Variants in NBEA observed in about 807,000 individuals in gnomAD.
NBEA encodes lysosomal-trafficking regulator 2.
Under a neutral mutation model 343.4 loss-of-function variants are expected in NBEA, and 44 were observed. The ratio of observed to expected loss-of-function variants is 0.13; its 90% CI spans 0.10 to 0.16. The LOEUF (loss-of-function observed/expected upper bound fraction) is 0.16, where lower values mean the gene tolerates loss of function less well. Ranked by LOEUF, NBEA falls within the 10% of genes least tolerant of loss-of-function variation. The probability of loss-of-function intolerance (pLI) is 1.00; values close to 1 mark genes in which losing one functional copy is unlikely to be tolerated. For synonymous variants in NBEA, 1,175 were observed against 1,238.7 expected (o/e 0.95, Z 1.08); for missense variants, 2,555 against 3,631.3 (o/e 0.70, Z 7.62).
chr13:35,011,598 A>G (rs556362836), intron 1 of NBEA, among the ~76,000 whole-genome samples: 69 of 152,308 alleles, frequency 4.5e-4, no homozygotes, highest in African/African-American at 1.5e-3. Context: ...ATTTTTTGAT[A>G]TTAATTTCTA....
At chr13:35,102,810 A>G (rs946198230) in intron 11 of NBEA, among the ~76,000 whole-genome samples, 8 of 151,818 alleles carry the variant, frequency 5.3e-5, no homozygotes, top group South Asian at 2.1e-4. Context: ...TTTGTAGACA[A>G]TAATAACATT....
chr13:35,165,049 C>G, intron 24 of NBEA: 1 of 533,142 alleles, frequency 1.9e-6, no homozygotes, highest in Non-Finnish European at 3.9e-6. Flanking sequence ...TAGCTACTTG[C>G]TCAGATGGGA....
chr13:35,126,187 T>C (rs1217524928), intron 17 of NBEA, among the ~76,000 whole-genome samples: 1 of 152,070 alleles, frequency 6.6e-6, no homozygotes, highest in Non-Finnish European at 1.5e-5. Context: ...TTGTAAGCAT[T>C]TGGCATTTCC....
intron 17 of NBEA, among the ~76,000 whole-genome samples, chr13:35,127,722 G>A (rs1313947369): frequency 1.3e-5 from 2 of 151,852 alleles, no homozygotes; most frequent in Non-Finnish European, 2.9e-5. Flanking sequence ...AACAGATGGA[G>A]GATTACTTAT....
intron 6 of NBEA, among the ~76,000 whole-genome samples, chr13:35,051,505 T>G (rs2063065011): frequency 6.6e-6 from 1 of 152,038 alleles, no homozygotes; most frequent in African/African-American, 2.4e-5. Context: ...TTGCTTTATA[T>G]TTAATGTCAG....
At chr13:35,017,193 T>C (rs191036002) in intron 1 of NBEA, among the ~76,000 whole-genome samples, 1 of 152,218 alleles carries the variant, frequency 6.6e-6, no homozygotes, top group Non-Finnish European at 1.5e-5. Flanking sequence ...TATTTTTTTT[T>C]ATTAAATAAA....
intron 33 of NBEA, among the ~76,000 whole-genome samples, chr13:35,223,355 TCTAAAAGGTCTTTATTTTACCA>T (rs2074479289): frequency 6.6e-6 from 1 of 152,216 alleles, no homozygotes; most frequent in African/African-American, 2.4e-5. Flanking sequence ...GTTTTTGTTG[TCTAAAAGGTCTTTATTTTACCA>T]TCTTTTTCTA....
intron 33 of NBEA, among the ~76,000 whole-genome samples, chr13:35,215,908 T>G (rs1006463839): frequency 6.6e-5 from 10 of 151,554 alleles, no homozygotes; most frequent in Non-Finnish European, 1.3e-4. Flanking sequence ...TGTATCTGTT[T>G]TGTTATTTTT....
chr13:34,995,247 G>GT (rs2060898765), intron 1 of NBEA, among the ~76,000 whole-genome samples: 2 of 152,232 alleles, frequency 1.3e-5, no homozygotes, highest in South Asian at 4.1e-4. Context: ...GAGGTCAGGA[G>GT]TTTGAGACCA....
At chr13:35,339,836 A>C (rs1343630487) in intron 36 of NBEA, among the ~76,000 whole-genome samples, 1 of 152,092 alleles carries the variant, frequency 6.6e-6, no homozygotes, top group Non-Finnish European at 1.5e-5. Flanking sequence ...TTTCTAAACC[A>C]TTCATGAGAA....
chr13:35,336,710 C>G (rs1409897716), intron 36 of NBEA, among the ~76,000 whole-genome samples: 1 of 151,976 alleles, frequency 6.6e-6, no homozygotes, highest in Non-Finnish European at 1.5e-5. Context: ...AAACCATGTC[C>G]TTTGCAACAA....
At chr13:35,138,908 T>A (rs2067902432) in intron 17 of NBEA, among the ~76,000 whole-genome samples, 1 of 152,098 alleles carries the variant, frequency 6.6e-6, no homozygotes, top group South Asian at 2.1e-4. Context: ...GTGTGTCATA[T>A]ATGGATTTAT....
At chr13:35,132,937 G>T (rs1476794820) in intron 17 of NBEA, among the ~76,000 whole-genome samples, 2 of 152,122 alleles carry the variant, frequency 1.3e-5, no homozygotes, top group African/African-American at 2.4e-5. Flanking sequence ...CTTTGGAAGT[G>T]CAGGATAATA....
chr13:35,440,878 G>T (rs1429511763), intron 39 of NBEA, among the ~76,000 whole-genome samples: 1 of 152,116 alleles, frequency 6.6e-6, no homozygotes, highest in South Asian at 2.1e-4. Flanking sequence ...ACATTTCCCT[G>T]CTGTAAAGTT....
chr13:35,047,454 A>T (rs1000481410), intron 4 of NBEA, among the ~76,000 whole-genome samples: 17 of 152,078 alleles, frequency 1.1e-4, no homozygotes, highest in African/African-American at 3.6e-4. Flanking sequence ...AAGAGAAACC[A>T]TGCTAGGTTG....
chr13:35,143,954 A>G (rs191316086), intron 18 of NBEA, among the ~76,000 whole-genome samples: 48 of 152,132 alleles, frequency 3.2e-4, no homozygotes, highest in African/African-American at 1.2e-3. Flanking sequence ...GTTTCTTTTC[A>G]TGTAAGCCAT....
intron 1 of NBEA, among the ~76,000 whole-genome samples, chr13:35,011,396 A>G (rs1217606872): frequency 6.6e-6 from 1 of 152,224 alleles, no homozygotes; most frequent in Non-Finnish European, 1.5e-5. Context: ...CAAGACTTTT[A>G]AATGAATAAG....
chr13:35,668,589 G>T, intron 58 of NBEA, 70 bp downstream of exon 58: 1 of 1,426,976 alleles, frequency 7.0e-7, no homozygotes, highest in South Asian at 1.6e-5. Context: ...TCTACCAAGG[G>T]TGAATTGTGC....
At chr13:35,584,146 C>T (rs922341285) in intron 46 of NBEA, 108 bp downstream of exon 46, 127 of 1,094,278 alleles carry the variant, frequency 1.2e-4, no homozygotes, top group Middle Eastern at 2.0e-4. Flanking sequence ...AGATTAGAGA[C>T]GAGTGAAGTA....
Sources: allele counts gnomAD v4.1 joint callset (sites outside exome capture counted in the v4.1 genomes callset), GRCh38; gene constraint gnomAD v4.1.1; transcripts MANE v1.5; gene names NCBI Gene and HGNC (gene_info 2026-07-23, HGNC 2026-07-21).